BBX: variants seen among roughly 807,000 people sequenced by gnomAD.
BBX encodes the protein HMG box transcription factor BBX.
In BBX, 30 loss-of-function variants were observed where a neutral mutation model predicts 100.2. The observed-to-expected ratio is 0.30, with a 90% confidence interval of 0.22 to 0.41. BBX has a LOEUF of 0.41. Among genes scored for constraint, BBX ranks in the 10% least tolerant of loss-of-function variants. BBX has a pLI of 1.00. For synonymous variants in BBX, 376 were observed against 388.1 expected (o/e 0.97, Z 0.37); for missense variants, 1,023 against 1,129.8 (o/e 0.91, Z 1.35).
intron 11 of BBX, among the ~76,000 whole-genome samples, chr3:107,774,338 C>G (rs1427408078): frequency 6.6e-6 from 1 of 152,148 alleles, no homozygotes; most frequent in Non-Finnish European, 1.5e-5. Context: ...AATGAAGATA[C>G]TTGGGCCTAT....
chr3:107,755,622 G>C lies in BBX; in HGVS notation c.850G>C (p.Gly284Arg). ...GATTTCTTCAAACACTTCGCAGTTG[G>C]GTGGTGCTGAGCCTGTAAAACGCTG... ...AEISSNTSQL[G>R]GAEPVKRCGK... is the part of the protein sequence containing the mutation. The change falls in exon 10 of 18, where the codon GGT becomes CGT. Residue 284 changes from glycine (G) to arginine (R), a missense_variant. Gly to Arg is a moderately radical substitution (Grantham distance 125). Transcript: ENST00000325805. 8 of 1,613,880 alleles carry C rather than the reference G, an allele frequency of 5.0e-6. No individual in the cohort carries two copies. Among genetic ancestry groups the C allele is most frequent in the Non-Finnish European group, 6.8e-6 (8 of 1,179,836 alleles).
intron 2 of BBX, among the ~76,000 whole-genome samples, chr3:107,540,412 A>C (rs2048785544): frequency 6.6e-6 from 1 of 152,096 alleles, no homozygotes; most frequent in African/African-American, 2.4e-5. Flanking sequence ...GTGTCTAATA[A>C]ATTTTTTGTT....
intron 3 of BBX, among the ~76,000 whole-genome samples, chr3:107,681,460 G>T (rs1421555961): frequency 6.6e-6 from 1 of 152,038 alleles, no homozygotes; most frequent in Admixed American, 6.6e-5. Flanking sequence ...TTAGAAATTC[G>T]TGGGACATTA....
intron 3 of BBX, among the ~76,000 whole-genome samples, chr3:107,686,917 C>G (rs1227292073): frequency 6.6e-6 from 1 of 152,064 alleles, no homozygotes; most frequent in African/African-American, 2.4e-5. Flanking sequence ...AGTTTAACAT[C>G]TCCATAATAA....
At chr3:107,686,431 GT>G (rs1189147021) in intron 3 of BBX, among the ~76,000 whole-genome samples, 18 of 144,674 alleles carry the variant, frequency 1.2e-4, no homozygotes, top group East Asian at 4.0e-4. Flanking sequence ...CTTGTTTTTT[GT>G]TTTTTTTTTT....
intron 10 of BBX, among the ~76,000 whole-genome samples, chr3:107,758,805 G>A (rs2065680299): frequency 6.6e-6 from 1 of 151,994 alleles, no homozygotes; most frequent in Admixed American, 6.6e-5. Flanking sequence ...CATAACCTTG[G>A]GCAGTTAGTT....
intron 3 of BBX, among the ~76,000 whole-genome samples, chr3:107,661,038 A>G (rs531437862): frequency 6.6e-6 from 1 of 152,336 alleles, no homozygotes; most frequent in African/African-American, 2.4e-5. Flanking sequence ...ACAAAGTTGT[A>G]GAAGCAAATA....
At chr3:107,553,190 T>C (rs890280506) in intron 2 of BBX, among the ~76,000 whole-genome samples, 1 of 152,256 alleles carries the variant, frequency 6.6e-6, no homozygotes, top group Non-Finnish European at 1.5e-5. Context: ...TAAAATCCTC[T>C]GTATTCACAA....
intron 2 of BBX, among the ~76,000 whole-genome samples, chr3:107,598,779 C>T (rs1422549361): frequency 6.6e-6 from 1 of 152,200 alleles, no homozygotes; most frequent in Non-Finnish European, 1.5e-5. Context: ...GCATTCCTCA[C>T]CTCAATCCTA....
chr3:107,631,325 A>C (rs1395930588), intron 2 of BBX, among the ~76,000 whole-genome samples: 1 of 152,214 alleles, frequency 6.6e-6, no homozygotes, highest in Non-Finnish European at 1.5e-5. Context: ...AAAAATAGTG[A>C]AGATGTTTAG....
At chr3:107,720,493 T>C (rs2062453566) in intron 5 of BBX, among the ~76,000 whole-genome samples, 1 of 151,906 alleles carries the variant, frequency 6.6e-6, no homozygotes, top group Non-Finnish European at 1.5e-5. Flanking sequence ...CTGAAATCAA[T>C]TTCAGGAACC....
At chr3:107,801,813 AG>A (rs530910269) in intron 17 of BBX, among the ~76,000 whole-genome samples, 22 of 152,128 alleles carry the variant, frequency 1.4e-4, no homozygotes, top group Non-Finnish European at 2.9e-4. Context: ...GTGCAGTTCA[AG>A]GGAAAGAGCA....
At chr3:107,646,264 T>G (rs535210803) in intron 3 of BBX, among the ~76,000 whole-genome samples, 1 of 152,090 alleles carries the variant, frequency 6.6e-6, no homozygotes, top group South Asian at 2.1e-4. Context: ...AAAAGCTGTT[T>G]TTTGTACTGC....
chr3:107,765,602 C>G (rs2066325691), intron 10 of BBX, among the ~76,000 whole-genome samples: 1 of 152,140 alleles, frequency 6.6e-6, no homozygotes. Flanking sequence ...GTGAGCTAAC[C>G]TCGCCTGGCC....
chr3:107,664,784 CT>C (rs2058654080), intron 3 of BBX, among the ~76,000 whole-genome samples: 1 of 152,182 alleles, frequency 6.6e-6, no homozygotes, highest in South Asian at 2.1e-4. Context: ...TCTTTTCCCC[CT>C]AATTCTTGTT....
At chr3:107,529,783 T>G (rs538430266) in intron 2 of BBX, among the ~76,000 whole-genome samples, 1 of 152,272 alleles carries the variant, frequency 6.6e-6, no homozygotes, top group African/African-American at 2.4e-5. Context: ...ACTGTACAGA[T>G]ATACCCAGAA....
chr3:107,756,245 A>T (rs903052315), intron 10 of BBX, among the ~76,000 whole-genome samples: 1 of 152,102 alleles, frequency 6.6e-6, no homozygotes, highest in Non-Finnish European at 1.5e-5. Flanking sequence ...TGGATTGGGG[A>T]GGAAGACGCC....
intron 2 of BBX, among the ~76,000 whole-genome samples, chr3:107,597,201 T>G (rs1364719870): frequency 6.6e-6 from 1 of 152,206 alleles, no homozygotes; most frequent in East Asian, 1.9e-4. Context: ...AACTACTGTT[T>G]GTGTGAAATT....
intron 2 of BBX, among the ~76,000 whole-genome samples, chr3:107,632,606 G>T (rs2056613375): frequency 6.6e-6 from 1 of 152,198 alleles, no homozygotes; most frequent in Non-Finnish European, 1.5e-5. Context: ...GAGCTCACCT[G>T]TTATCAAAGT....
Sources: gnomAD v4.1 joint callset for allele counts (sites outside exome capture counted in the v4.1 genomes callset) on GRCh38, gnomAD v4.1.1 for gene constraint, MANE v1.5 for transcripts, NCBI Gene and HGNC (gene_info 2026-07-23, HGNC 2026-07-21) for gene names.